The following BMP5 variants were observed in gnomAD, a reference collection of about 807,000 sequenced individuals.
BMP5 encodes bone morphogenetic protein 5.
Under a neutral mutation model 46.6 loss-of-function variants are expected in BMP5, and 23 were observed. That is an observed-to-expected ratio of 0.49 (90% CI 0.35 to 0.70). The LOEUF is 0.70. Among genes scored for constraint, BMP5 ranks in the 30% least tolerant of loss-of-function variants. The probability of loss-of-function intolerance (pLI) is 0.00; values close to 1 mark genes in which losing one functional copy is unlikely to be tolerated. For synonymous variants in BMP5, 204 were observed against 191.9 expected (o/e 1.06, Z -0.52); for missense variants, 545 against 565.6 (o/e 0.96, Z 0.37).
At chr6:55,818,816 A>G (rs1228510932) in intron 2 of BMP5, among the ~76,000 whole-genome samples, 1 of 152,208 alleles carries the variant, frequency 6.6e-6, no homozygotes, top group East Asian at 1.9e-4. Context: ...CTAATCAAAA[A>G]AGGATATATT....
chr6:55,862,606 A>C (rs1370318929), intron 1 of BMP5, among the ~76,000 whole-genome samples: 2 of 152,210 alleles, frequency 1.3e-5, no homozygotes, highest in African/African-American at 4.8e-5. Context: ...TGAAAAATTG[A>C]ATGCTCTTGT....
Position 55,755,384 on chromosome 6 carries a change from TG to T in BMP5, c.*148del. 1.4e-6 allele frequency: 1 copy of T among 694,670 alleles called. No individual in the cohort carries two copies. Among genetic ancestry groups the T allele is most frequent in the Non-Finnish European group, 2.4e-6 (1 of 415,210 alleles). 43.0% of individuals were successfully genotyped at this position (694,670 alleles called of 1,614,324 possible). ...ATATATACGTTTAAATAAATAAAAATGACTATATACATGATATTGTACATAG... is the reference window on the plus strand; with the variant it reads ...ATATATACGTTTAAATAAATAAAAATACTATATACATGATATTGTACATAG... On this transcript the variant is annotated 3_prime_UTR_variant, in exon 7 of 7. Transcript: ENST00000370830.
intron 1 of BMP5, among the ~76,000 whole-genome samples, chr6:55,837,311 T>C (rs1562062848): frequency 6.6e-6 from 1 of 150,892 alleles, no homozygotes; most frequent in East Asian, 1.9e-4. Flanking sequence ...AAAAAATGAC[T>C]CTTTATATCC....
At chr6:55,803,410 A>G (rs900326023) in intron 2 of BMP5, among the ~76,000 whole-genome samples, 26 of 152,272 alleles carry the variant, frequency 1.7e-4, no homozygotes, top group African/African-American at 6.0e-4. Flanking sequence ...GTACATTGTC[A>G]TATTACCTAA....
intron 3 of BMP5, among the ~76,000 whole-genome samples, chr6:55,783,998 TTTTTC>T (rs1775387195): frequency 6.6e-6 from 1 of 151,982 alleles, no homozygotes; most frequent in Non-Finnish European, 1.5e-5. Context: ...TTTAAAACCT[TTTTTC>T]ATATATGTTT....
chr6:55,764,496 C>A (rs1359845849), intron 4 of BMP5, among the ~76,000 whole-genome samples: 1 of 151,348 alleles, frequency 6.6e-6, no homozygotes, highest in East Asian at 1.9e-4. Flanking sequence ...CGGCGTGAAC[C>A]CGGGAGGCGG....
chr6:55,835,281 A>G (rs1776764715), intron 1 of BMP5, among the ~76,000 whole-genome samples: 1 of 152,166 alleles, frequency 6.6e-6, no homozygotes, highest in Non-Finnish European at 1.5e-5. Flanking sequence ...CAACAATGAA[A>G]AAATAAGAAA....
intron 2 of BMP5, among the ~76,000 whole-genome samples, chr6:55,810,743 C>G (rs1003752577): frequency 1.3e-5 from 2 of 152,112 alleles, no homozygotes; most frequent in Non-Finnish European, 2.9e-5. Context: ...TCAAATAGAG[C>G]AAGATTTCTC....
chr6:55,831,847 T>G (rs2127542408), intron 1 of BMP5, among the ~76,000 whole-genome samples: 1 of 152,164 alleles, frequency 6.6e-6, no homozygotes, highest in Middle Eastern at 3.4e-3. Context: ...ACAGAAGATT[T>G]TACAGGCTTC....
chr6:55,842,919 G>C (rs1203418063), intron 1 of BMP5, among the ~76,000 whole-genome samples: 2 of 152,064 alleles, frequency 1.3e-5, no homozygotes, highest in East Asian at 1.9e-4. Context: ...TATATCAACT[G>C]TAAAATATTA....
At position 55,836,627 on chromosome 6, in the gene BMP5, T is replaced by TACACACACACAC. The variant is rs71874169; in HGVS notation, c.491-16781_491-16780insGTGTGTGTGTGT. ...ACCAACACACACACAAACACATACA[T>TACACACACACAC]ACATACACACACACACACACACACA... is the stretch of plus-strand genomic sequence containing the variant. On this transcript the variant is annotated intron_variant, in intron 1 of 6. Transcript: ENST00000370830. Among the ~76,000 whole-genome samples, 416 of 127,336 alleles carry TACACACACACAC rather than the reference T, an allele frequency of 3.3e-3. 4 individuals are homozygous for TACACACACACAC. The highest frequency in any genetic ancestry group is 0.012 in the African/African-American group (393 of 33,162). The allele number at this position is 127,336 out of a possible 152,430, so 83.5% of individuals were successfully genotyped here.
In BMP5 at chr6:55,819,703, T is replaced by G. The variant is rs766698875; in HGVS notation, c.635A>C (p.Glu212Ala). 12 of 1,613,698 alleles carry G rather than the reference T, an allele frequency of 7.4e-6. No homozygotes were observed. In the Admixed American group the frequency reaches 1.5e-4, roughly 20 times the overall value. Residue 212 changes from glutamate to alanine, a missense_variant, in exon 2 of 7, where the codon GAA becomes GCA. By Grantham distance (107) the Glu-to-Ala change is moderately radical. Coordinates refer to ENST00000370830, the MANE Select transcript of BMP5 (RefSeq NM_021073.4). ...KDRSNNRFEN[E>A]TIKISIYQII... is the part of the protein sequence containing the mutation. ...TTGATATATGCTAATCTTAATTGTT[T>G]CATTTTCAAATCGGTTGTTGCTCCG...
chr6:55,870,181 G>T (rs1777747644), intron 1 of BMP5, among the ~76,000 whole-genome samples: 1 of 147,824 alleles, frequency 6.8e-6, no homozygotes, highest in Non-Finnish European at 1.5e-5. Context: ...TTTGATATTT[G>T]TGAGTAACCA....
chr6:55,764,571 C>CAAAAAAAAAAAA (rs57293392), intron 4 of BMP5, among the ~76,000 whole-genome samples: 2 of 110,140 alleles, frequency 1.8e-5, no homozygotes, highest in African/African-American at 3.3e-5. Flanking sequence ...GACTCTGTCT[C>CAAAAAAAAAAAA]AAAAAAAAAA....
chr6:55,838,168 T>C (rs946975941), intron 1 of BMP5, among the ~76,000 whole-genome samples: 1 of 152,194 alleles, frequency 6.6e-6, no homozygotes, highest in African/African-American at 2.4e-5. Flanking sequence ...AGCAGTGGGA[T>C]TGCCAAATCA....
At chr6:55,756,316 C>A (rs921700475) in intron 6 of BMP5, among the ~76,000 whole-genome samples, 1 of 151,862 alleles carries the variant, frequency 6.6e-6, no homozygotes, top group South Asian at 2.1e-4. Flanking sequence ...TGCCTGCCCC[C>A]TAGACAAGTG....
At chr6:55,851,189 A>AT (rs1183141736) in intron 1 of BMP5, among the ~76,000 whole-genome samples, 4 of 140,916 alleles carry the variant, frequency 2.8e-5, no homozygotes, top group African/African-American at 5.2e-5. Context: ...GCTATTTATC[A>AT]TTTTTTTTCT....
chr6:55,839,001 TC>T (rs1776889407), intron 1 of BMP5, among the ~76,000 whole-genome samples: 1 of 152,118 alleles, frequency 6.6e-6, no homozygotes, highest in Non-Finnish European at 1.5e-5. Flanking sequence ...CTAACTGAAT[TC>T]CCAATCAAGA....
intron 3 of BMP5, among the ~76,000 whole-genome samples, chr6:55,790,567 C>A (rs1775552895): frequency 6.6e-6 from 1 of 152,176 alleles, no homozygotes; most frequent in Non-Finnish European, 1.5e-5. Flanking sequence ...TGCCTAATAG[C>A]ATCTGCAATC....
Sources: gnomAD v4.1 joint callset for allele counts (sites outside exome capture counted in the v4.1 genomes callset) on GRCh38, gnomAD v4.1.1 for gene constraint, MANE v1.5 for transcripts, NCBI Gene and HGNC (gene_info 2026-07-23, HGNC 2026-07-21) for gene names.